The following WDFY3 variants were observed in gnomAD, a reference collection of about 807,000 sequenced individuals.
WDFY3 encodes the protein WD repeat and FYVE domain containing 3.
Under a neutral mutation model 409.6 loss-of-function variants are expected in WDFY3, and 66 were observed. That is an observed-to-expected ratio of 0.16 (90% CI 0.13 to 0.20). The LOEUF (loss-of-function observed/expected upper bound fraction) is 0.20, where lower values mean the gene tolerates loss of function less well. Among genes scored for constraint, WDFY3 ranks in the 10% least tolerant of loss-of-function variants. The pLI is 1.00. For missense variants in WDFY3, 3,031 were observed against 4,298.1 expected (o/e 0.71, Z 8.24); for synonymous variants, 1,521 against 1,537.1 (o/e 0.99, Z 0.25).
At chr4:84,711,720 G>A (rs1298990453) in intron 51 of WDFY3, among the ~76,000 whole-genome samples, 3 of 151,512 alleles carry the variant, frequency 2.0e-5, no homozygotes, top group African/African-American at 4.9e-5. Flanking sequence ...GTGTGGTGGC[G>A]CGCACCTGTA....
chr4:84,837,571 A>T (rs1009395115), intron 6 of WDFY3, among the ~76,000 whole-genome samples: 15 of 152,122 alleles, frequency 9.9e-5, no homozygotes, highest in African/African-American at 3.6e-4. Flanking sequence ...TTTTATCTTT[A>T]TTCTTATTGT....
intron 53 of WDFY3, among the ~76,000 whole-genome samples, chr4:84,707,325 T>C (rs933057933): frequency 6.6e-6 from 1 of 152,128 alleles, no homozygotes; most frequent in African/African-American, 2.4e-5. Flanking sequence ...ACTAGAGCAT[T>C]AAGCCCAGTT....
intron 32 of WDFY3, among the ~76,000 whole-genome samples, chr4:84,760,145 G>A (rs973539230): frequency 2.6e-5 from 4 of 151,746 alleles, no homozygotes; most frequent in Admixed American, 6.6e-5. Context: ...TGCATCCCAG[G>A]GATGAAGCCC....
At chr4:84,892,414 T>A (rs967126240) in intron 3 of WDFY3, among the ~76,000 whole-genome samples, 41 of 152,238 alleles carry the variant, frequency 2.7e-4, no homozygotes, top group African/African-American at 9.6e-4. Context: ...TTTTAAAGTA[T>A]TTTAAAGGTT....
Position 84,682,450 on chromosome 4 carries a change from C to G in WDFY3, c.9747G>C (p.Leu3249Phe), listed in dbSNP as rs776218565. 3 of 1,613,396 alleles carry G rather than the reference C, an allele frequency of 1.9e-6. No homozygotes were observed. In the East Asian group the frequency reaches 6.7e-5, roughly 36 times the overall value. ...CAGGAGCTGGTGTTTCAGGAACTTGCAAAAATTCCATTCTCCAAAACTAAA... is the reference window on the plus strand; with the variant it reads ...CAGGAGCTGGTGTTTCAGGAACTTGGAAAAATTCCATTCTCCAAAACTAAA... ...GVVRFWRMEF[L>F]QVPETPAPEP... The change falls in exon 64 of 68, where the codon TTG (leucine) becomes TTC (phenylalanine). Residue 3249 changes from leucine to phenylalanine, a missense_variant. This residue lies in a region of WDFY3 where 378 missense variants were observed against 477.3 expected (regional missense o/e 0.79). Transcript: ENST00000295888.
chr4:84,812,165 C>T (rs1448894087), intron 13 of WDFY3, among the ~76,000 whole-genome samples: 1 of 152,120 alleles, frequency 6.6e-6, no homozygotes, highest in Non-Finnish European at 1.5e-5. Context: ...AGAAAATATG[C>T]AATCTGTATG....
At chr4:84,738,600 T>TA (rs745331961) in intron 40 of WDFY3, among the ~76,000 whole-genome samples, 206 of 127,038 alleles carry the variant, frequency 1.6e-3, no homozygotes, top group Middle Eastern at 8.8e-3. Flanking sequence ...AGATTTTGTT[T>TA]AAAAAAAAAA....
chr4:84,722,103 T>C (rs1412759722), intron 46 of WDFY3, among the ~76,000 whole-genome samples: 1 of 152,110 alleles, frequency 6.6e-6, no homozygotes, highest in Non-Finnish European at 1.5e-5. Context: ...TAAACATGAT[T>C]ACGACTGGGT....
intron 24 of WDFY3, among the ~76,000 whole-genome samples, chr4:84,783,862 T>TACACACAC (rs137878462): frequency 0.012 from 1,659 of 140,902 alleles, 22 homozygotes; most frequent in African/African-American, 0.031. Flanking sequence ...GTGTCATACA[T>TACACACAC]ACACACACAC....
chr4:84,884,144 A>T (rs1763891368), intron 3 of WDFY3, among the ~76,000 whole-genome samples: 1 of 152,170 alleles, frequency 6.6e-6, no homozygotes, highest in Admixed American at 6.6e-5. Flanking sequence ...AGTCACGCCA[A>T]GACATTTAGT....
At chr4:84,786,231 G>A (rs1242727702) in intron 23 of WDFY3, 92 bp from the exon 24 acceptor site, 1 of 1,274,060 alleles carries the variant, frequency 7.8e-7, no homozygotes, top group African/African-American at 1.5e-5. Flanking sequence ...AAATGAGGAG[G>A]CTTGAAAGTC....
At chr4:84,872,914 G>A (rs763929391) in intron 3 of WDFY3, among the ~76,000 whole-genome samples, 14 of 152,024 alleles carry the variant, frequency 9.2e-5, no homozygotes, top group African/African-American at 1.9e-4. Flanking sequence ...GTAGTCTTTC[G>A]GATAAGAAAA....
chr4:84,955,048 T>C (rs537445021), intron 1 of WDFY3, among the ~76,000 whole-genome samples: 1 of 151,874 alleles, frequency 6.6e-6, no homozygotes, highest in East Asian at 1.9e-4. Context: ...TTGCAAAAAA[T>C]ACAAAAATTA....
chr4:84,719,639 G>C (rs2149074065), intron 47 of WDFY3, among the ~76,000 whole-genome samples: 1 of 152,182 alleles, frequency 6.6e-6, no homozygotes, highest in South Asian at 2.1e-4. Flanking sequence ...CTCTATTGCA[G>C]TATATTTTAT....
In WDFY3 at chr4:84,797,766, GAA is replaced by G. The variant is rs1229216312; in HGVS notation, c.2935+228_2935+229del. On this transcript the variant is annotated intron_variant, in intron 18 of 67. Transcript: ENST00000295888. ...CGGCTAATTTTTTTTGTATTTTTTA[GAA>G]GAGACGGGGTTTCACCATGGTCTCG... is the stretch of plus-strand genomic sequence containing the variant. 2.6e-5 allele frequency among the ~76,000 whole-genome samples: 4 copies of G among 151,744 alleles called. No individual in the cohort carries two copies. In the East Asian group the frequency reaches 7.8e-4, roughly 29 times the overall value.
At chr4:84,941,053 C>T (rs1772049417) in intron 1 of WDFY3, among the ~76,000 whole-genome samples, 1 of 151,894 alleles carries the variant, frequency 6.6e-6, no homozygotes, top group Admixed American at 6.6e-5. Context: ...ACAGATATAG[C>T]TAACATCATG....
intron 58 of WDFY3, among the ~76,000 whole-genome samples, chr4:84,695,521 G>T (rs983064185): frequency 5.4e-5 from 8 of 148,514 alleles, no homozygotes; most frequent in East Asian, 2.1e-4. Flanking sequence ...GAGAGAGAGA[G>T]AGAGAGAGAG....
intron 3 of WDFY3, among the ~76,000 whole-genome samples, chr4:84,861,635 A>G (rs181961862): frequency 6.6e-6 from 1 of 152,320 alleles, no homozygotes; most frequent in African/African-American, 2.4e-5. Context: ...AATAGAAAAA[A>G]ATAGAAGATA....
chr4:84,806,074 T>C (rs1168238438), intron 15 of WDFY3, among the ~76,000 whole-genome samples: 1 of 152,130 alleles, frequency 6.6e-6, no homozygotes, highest in African/African-American at 2.4e-5. Flanking sequence ...CCACAAGCCA[T>C]AAAAACACAG....
Sources: allele counts gnomAD v4.1 joint callset (sites outside exome capture counted in the v4.1 genomes callset), GRCh38; gene constraint gnomAD v4.1.1; regional missense constraint gnomAD v4.1.1; transcripts MANE v1.5; gene names NCBI Gene and HGNC (gene_info 2026-07-23, HGNC 2026-07-21).